Variants in ADIPOR2 observed in about 807,000 individuals in gnomAD.
ADIPOR2 encodes adiponectin receptor 2.
In ADIPOR2, 18 loss-of-function variants were observed where a neutral mutation model predicts 40.9. The observed-to-expected ratio is 0.44, with a 90% CI of 0.30 to 0.65. The LOEUF (loss-of-function observed/expected upper bound fraction) is 0.65. Ranked by LOEUF, ADIPOR2 falls within the 30% of genes least tolerant of loss-of-function variation. ADIPOR2 has a pLI of 0.09. For synonymous variants in ADIPOR2, 165 were observed against 166.4 expected (o/e 0.99, Z 0.06); for missense variants, 283 against 479.2 (o/e 0.59, Z 3.82).
intron 1 of ADIPOR2, among the ~76,000 whole-genome samples, chr12:1,692,654 T>C (rs763399116): frequency 1.2e-4 from 19 of 152,168 alleles, no homozygotes; most frequent in Non-Finnish European, 2.8e-4. Flanking sequence ...GTTTTTTTTT[T>C]CTATCCCTAG....
At chr12:1,761,051 ATTG>A (rs1455453544) in intron 2 of ADIPOR2, 1 of 152,098 alleles carries the variant, frequency 6.6e-6, no homozygotes, top group Non-Finnish European at 1.5e-5. Context: ...TTTACAGTAT[ATTG>A]TTATAATTGT....
intron 1 of ADIPOR2, among the ~76,000 whole-genome samples, chr12:1,719,940 G>A (rs2094694699): frequency 6.6e-6 from 1 of 152,146 alleles, no homozygotes. Context: ...GCCTCCCAAA[G>A]TGTTGGAATT....
At position 1,759,267 on chromosome 12, in the gene ADIPOR2, C is replaced by A. The variant is rs1323403511; in HGVS notation, c.171+4753C>A. Among the ~76,000 whole-genome samples, 4 of 152,186 alleles carry A rather than the reference C, an allele frequency of 2.6e-5. 1 individual carries two copies. On this transcript the variant is annotated intron_variant, in intron 2 of 7. Transcript: ENST00000357103. ...GAATATATCATAGTACAGTCATTCACATTTCTAACAATTTTGCATCATTTT... is the reference window on the plus strand; with the variant it reads ...GAATATATCATAGTACAGTCATTCAAATTTCTAACAATTTTGCATCATTTT...
chr12:1,732,882 C>T (rs2094723264), intron 1 of ADIPOR2, among the ~76,000 whole-genome samples: 1 of 152,036 alleles, frequency 6.6e-6, no homozygotes, highest in African/African-American at 2.4e-5. Flanking sequence ...CCATTTTCCC[C>T]TGCCTTAATA....
intron 1 of ADIPOR2, among the ~76,000 whole-genome samples, chr12:1,711,958 A>G (rs1341520328): frequency 1.3e-5 from 2 of 152,154 alleles, no homozygotes; most frequent in Non-Finnish European, 2.9e-5. Flanking sequence ...CTTGTTATCT[A>G]TACACATTTA....
chr12:1,712,790 T>C (rs1168701204), intron 1 of ADIPOR2, among the ~76,000 whole-genome samples: 1 of 152,104 alleles, frequency 6.6e-6, no homozygotes. Flanking sequence ...CGCAACTGTT[T>C]TAATGTCTTA....
At position 1,704,828 on chromosome 12, in the gene ADIPOR2, C is replaced by CT. The variant is rs989361956; in HGVS notation, c.-87+13643dup. On this transcript the variant is annotated intron_variant, in intron 1 of 7. Transcript: ENST00000357103. ...CTTCAGATGTATATTCTAAATTTTT[C>CT]TTTTTTCTTTTTATTCCTTTTCTTT... Among the ~76,000 whole-genome samples, 6 of 152,100 alleles carry CT rather than the reference C, an allele frequency of 3.9e-5. No individual in the cohort carries two copies. The South Asian group carries it at 1.0e-3, about 26-fold the overall frequency.
At chr12:1,777,295 T>A (rs1862615024) in intron 3 of ADIPOR2, among the ~76,000 whole-genome samples, 1 of 152,144 alleles carries the variant, frequency 6.6e-6, no homozygotes, top group South Asian at 2.1e-4. Context: ...AAACAAAGTT[T>A]GAAACCACTC....
chr12:1,754,595 G>T, intron 2 of ADIPOR2, 81 bp downstream of exon 2: 2 of 1,388,858 alleles, frequency 1.4e-6, no homozygotes, highest in South Asian at 1.6e-5. Flanking sequence ...AAAAAAAAGT[G>T]GGGGTCCATT....
rs59268943 is a variant in ADIPOR2, at chr12:1,721,205, C to CT, written c.-87+30044dup. 1.6e-3 allele frequency among the ~76,000 whole-genome samples: 94 copies of CT among 58,204 alleles called. 13 individuals are homozygous for CT. Among genetic ancestry groups the CT allele is most frequent in the African/African-American group, 6.3e-3 (88 of 14,008 alleles). The allele number at this position is 58,204 out of a possible 152,430, so 38.2% of individuals were successfully genotyped here. ...CTCAACCTAGGCAAAATAAAATAAA[C>CT]TTTTTTTTTTTTTTTTTTTTTTTTT... is the stretch of plus-strand genomic sequence containing the variant. On this transcript the variant is annotated intron_variant, in intron 1 of 7. Coordinates refer to ENST00000357103, the MANE Select transcript of ADIPOR2 (RefSeq NM_024551.3).
chr12:1,782,748 T>C (rs1592634683), intron 6 of ADIPOR2, among the ~76,000 whole-genome samples: 1 of 152,154 alleles, frequency 6.6e-6, no homozygotes, highest in Non-Finnish European at 1.5e-5. Context: ...CATTAGATGC[T>C]TCTGGAGGCA....
intron 1 of ADIPOR2, among the ~76,000 whole-genome samples, chr12:1,714,646 C>G (rs1030254566): frequency 2.6e-5 from 4 of 151,980 alleles, no homozygotes; most frequent in Admixed American, 2.6e-4. Context: ...TCCCCATGAT[C>G]TGAGTCGAGG....
At chr12:1,697,052 A>T (rs1448174149) in intron 1 of ADIPOR2, 1 of 152,266 alleles carries the variant, frequency 6.6e-6, no homozygotes, top group African/African-American at 2.4e-5. Context: ...GTGGTGCAGC[A>T]GCAGAAACTT....
chr12:1,717,564 G>A (rs1162529666), intron 1 of ADIPOR2, among the ~76,000 whole-genome samples: 1 of 152,118 alleles, frequency 6.6e-6, no homozygotes, highest in Non-Finnish European at 1.5e-5. Context: ...AATTAGCCAG[G>A]CGTGGTGGCA....
At chr12:1,752,706 A>T (rs1344247177) in intron 1 of ADIPOR2, among the ~76,000 whole-genome samples, 1 of 152,184 alleles carries the variant, frequency 6.6e-6, no homozygotes, top group Non-Finnish European at 1.5e-5. Flanking sequence ...ATATTTAAAG[A>T]TGCTGTGAAG....
chr12:1,716,006 G>A (rs1307770937), intron 1 of ADIPOR2, among the ~76,000 whole-genome samples: 2 of 152,076 alleles, frequency 1.3e-5, no homozygotes, highest in African/African-American at 2.4e-5. Flanking sequence ...TTGTTCTTTC[G>A]CTCTTCACAG....
intron 1 of ADIPOR2, among the ~76,000 whole-genome samples, chr12:1,732,521 G>A (rs1592596241): frequency 6.6e-6 from 1 of 152,288 alleles, no homozygotes; most frequent in South Asian, 2.1e-4. Flanking sequence ...GTACACTGTT[G>A]TATGGATGTG....
At chr12:1,756,971 G>C (rs1446245455) in intron 2 of ADIPOR2, among the ~76,000 whole-genome samples, 2 of 152,184 alleles carry the variant, frequency 1.3e-5, no homozygotes, top group African/African-American at 4.8e-5. Context: ...TTTTGGAAAT[G>C]TGAGATTCAA....
At chr12:1,709,270 T>C (rs996097076) in intron 1 of ADIPOR2, among the ~76,000 whole-genome samples, 3 of 152,216 alleles carry the variant, frequency 2.0e-5, no homozygotes, top group African/African-American at 7.2e-5. Flanking sequence ...TAAGGTTCTT[T>C]AGTTTCTCTC....
Sources: allele counts gnomAD v4.1 joint callset (sites outside exome capture counted in the v4.1 genomes callset), GRCh38; gene constraint gnomAD v4.1.1; transcripts MANE v1.5; gene names NCBI Gene and HGNC (gene_info 2026-07-23, HGNC 2026-07-21).